GDNF: variants seen among roughly 807,000 people sequenced by gnomAD.
The protein encoded by GDNF is glial cell line-derived neurotrophic factor.
In GDNF, 5 loss-of-function variants were observed where a neutral mutation model predicts 13.7. The ratio of observed to expected loss-of-function variants is 0.36; its 90% CI spans 0.19 to 0.77. The LOEUF is 0.77. Ranked by LOEUF, GDNF falls within the 30% of genes least tolerant of loss-of-function variation. The pLI, the probability that GDNF is intolerant of heterozygous loss-of-function variation, is 0.51. For synonymous variants in GDNF, 122 were observed against 112.5 expected (o/e 1.08, Z -0.53); for missense variants, 246 against 274.3 (o/e 0.90, Z 0.73).
At chr5:37,836,977 G>A (rs1363798360) in intron 1 of GDNF, among the ~76,000 whole-genome samples, 1 of 152,248 alleles carries the variant, frequency 6.6e-6, no homozygotes, top group African/African-American at 2.4e-5. Flanking sequence ...CCTCGGCCGA[G>A]CGCCGCCAGC....
Position 37,816,022 on chromosome 5 carries a change from T to C in GDNF, c.265A>G (p.Arg89Gly). The change falls in exon 3 of 3, where the codon AGA (arginine) becomes GGA (glycine). Residue 89 changes from arginine to glycine, a missense_variant. Arg to Gly is a moderately radical substitution (Grantham distance 125). Transcript: ENST00000326524. ...GCTGCAGCCTGCCGATTCCGCTCTC[T>C]TCTAGGAAGCACTGCCATTTGTTTA... The part of the protein sequence containing the change: ...PDKQMAVLPR[R>G]ERNRQAAAAN... 1 of 1,613,758 alleles carries C rather than the reference T, an allele frequency of 6.2e-7. No individual in the cohort carries two copies. Among genetic ancestry groups the C allele is most frequent in the Non-Finnish European group, 8.5e-7 (1 of 1,179,680 alleles).
intron 2 of GDNF, among the ~76,000 whole-genome samples, chr5:37,825,486 T>C (rs1046945083): frequency 6.6e-6 from 1 of 152,124 alleles, no homozygotes; most frequent in African/African-American, 2.4e-5. Flanking sequence ...CCAGAGTCGG[T>C]AATAAACACC....
At position 37,839,370 on chromosome 5, in the gene GDNF, CT is replaced by C. The variant is rs1750817949; in HGVS notation, c.-27+136del. 6.6e-6 allele frequency: 1 copy of C among 152,328 alleles called. No individual in the cohort carries two copies. Among genetic ancestry groups the C allele is most frequent in the Non-Finnish European group, 1.5e-5 (1 of 68,130 alleles). 9.4% of individuals were successfully genotyped at this position (152,328 alleles called of 1,614,324 possible). A position where few individuals can be genotyped will look rare whatever the true frequency, so the allele number is the denominator to read the frequency against. On this transcript the variant is annotated intron_variant, in intron 1 of 2. Transcript: ENST00000326524. This position sits in a 1 kb window ranked among gnomAD's most constrained non-coding sequence, Gnocchi z 5.5. ...TCGCATAGCTTAGGTTCCCTCTAGTCTTTCCACTTTCTACTCTCACCGTTTG... is the reference window on the plus strand; with the variant it reads ...TCGCATAGCTTAGGTTCCCTCTAGTCTTCCACTTTCTACTCTCACCGTTTG...
At chr5:37,829,224 A>C (rs1245872519) in intron 2 of GDNF, among the ~76,000 whole-genome samples, 1 of 151,980 alleles carries the variant, frequency 6.6e-6, no homozygotes, top group Non-Finnish European at 1.5e-5. Context: ...CATGGTCACA[A>C]ATTTTCCCAT....
In GDNF at chr5:37,815,987, T is replaced by C. The variant is rs757916617; in HGVS notation, c.300A>G (p.Pro100=). 8.5e-5 allele frequency: 137 copies of C among 1,613,920 alleles called. No homozygotes were observed. Among genetic ancestry groups the C allele is most frequent in the Admixed American group, 1.5e-4 (9 of 60,008 alleles). The change falls in exon 3 of 3, where the codon CCA becomes CCG. Residue 100 remains proline (P), a synonymous_variant. Coordinates refer to ENST00000326524, the MANE Select transcript of GDNF (RefSeq NM_000514.4). This position sits in a 1 kb window ranked among gnomAD's most constrained non-coding sequence, Gnocchi z 5.0. ...ERNRQAAAAN[P]ENSRGKGRRG... is the part of the protein sequence containing the mutation. ...TCCGACCTTTTCCTCTGGAATTCTCTGGGTTGGCAGCTGCAGCCTGCCGAT... is the reference window on the plus strand; with the variant it reads ...TCCGACCTTTTCCTCTGGAATTCTCCGGGTTGGCAGCTGCAGCCTGCCGAT...
At position 37,812,896 on chromosome 5, in the gene GDNF, T is replaced by C. The variant is rs890873851; in HGVS notation, c.*2755A>G. 6.6e-6 allele frequency: 1 copy of C among 152,216 alleles called. No homozygotes were observed. The highest frequency in any genetic ancestry group is 1.5e-5 in the Non-Finnish European group (1 of 68,052). The allele number at this position is 152,216 out of a possible 1,614,324, so 9.4% of individuals were successfully genotyped here. On this transcript the variant is annotated 3_prime_UTR_variant, in exon 3 of 3. Transcript: ENST00000326524. ...TTGTGGATTTGGTGGAGCAACTTGC[T>C]TCCATTAAAACCTGCTTGTGGTGTG... is the stretch of plus-strand genomic sequence containing the variant.
Position 37,834,806 on chromosome 5 carries a change from C to T in GDNF, c.-10G>A, listed in dbSNP as rs756537341. On this transcript the variant is annotated 5_prime_UTR_variant, in exon 2 of 3. Coordinates refer to ENST00000326524, the MANE Select transcript of GDNF (RefSeq NM_000514.4). ...CATCCCATAACTTCATCTTAAAGTCCCGTCCGGCGGCGGCACCTGCGCGGG... is the reference window on the plus strand; with the variant it reads ...CATCCCATAACTTCATCTTAAAGTCTCGTCCGGCGGCGGCACCTGCGCGGG... The T allele has an allele frequency of 3.7e-6, 6 of 1,612,484 alleles. No homozygotes were observed. In the African/African-American group the frequency reaches 8.0e-5, roughly 22 times the overall value.
At chr5:37,819,323 C>T (rs1241350522) in intron 2 of GDNF, among the ~76,000 whole-genome samples, 1 of 152,178 alleles carries the variant, frequency 6.6e-6, no homozygotes, top group East Asian at 1.9e-4. Context: ...CACCTTTCCT[C>T]CTCAGCTTTC....
intron 2 of GDNF, chr5:37,823,506 C>T (rs1279350109): frequency 1.3e-5 from 2 of 152,242 alleles, no homozygotes; most frequent in Non-Finnish European, 2.9e-5. Flanking sequence ...CCATGCTACT[C>T]AGGGGCATTT....
Position 37,834,809 on chromosome 5 carries a change from T to G in GDNF, c.-13A>C, listed in dbSNP as rs1561136579. ...CCCATAACTTCATCTTAAAGTCCCG[T>G]CCGGCGGCGGCACCTGCGCGGGCAG... On this transcript the variant is annotated 5_prime_UTR_variant, in exon 2 of 3. Coordinates refer to ENST00000326524, the MANE Select transcript of GDNF (RefSeq NM_000514.4). 1.1e-5 allele frequency: 17 copies of G among 1,612,196 alleles called. No homozygotes were observed. Among genetic ancestry groups the G allele is most frequent in the Non-Finnish European group, 1.4e-5 (16 of 1,179,274 alleles).
chr5:37,818,926 G>C (rs1164797948), intron 2 of GDNF, among the ~76,000 whole-genome samples: 1 of 151,684 alleles, frequency 6.6e-6, no homozygotes, highest in Non-Finnish European at 1.5e-5. Flanking sequence ...CCCCTGCCCT[G>C]CGCCTCCCCC....
chr5:37,819,540 A>G (rs1056173175), intron 2 of GDNF, among the ~76,000 whole-genome samples: 10 of 150,424 alleles, frequency 6.6e-5, no homozygotes, highest in Non-Finnish European at 1.0e-4. Flanking sequence ...GCAACCTCCA[A>G]TTCCCGGGTT....
intron 2 of GDNF, among the ~76,000 whole-genome samples, chr5:37,822,766 G>A (rs780513435): frequency 2.6e-5 from 4 of 151,760 alleles, no homozygotes; most frequent in Admixed American, 6.6e-5. Flanking sequence ...ATACATATGC[G>A]TCTACACACA....
Position 37,815,517 on chromosome 5 carries a change from CT to C in GDNF, c.*133del. The C allele has an allele frequency of 1.3e-6, 1 of 798,096 alleles. No individual in the cohort carries two copies. The highest frequency in any genetic ancestry group is 2.1e-6 in the Non-Finnish European group (1 of 468,764). The allele number at this position is 798,096 out of a possible 1,614,324, so 49.4% of individuals were successfully genotyped here. ...CCTCCTCCTCCTCCTCCTCCTCCTC[CT>C]CCTCTTCTTCTTCCTCCTCCTCCGC... On this transcript the variant is annotated 3_prime_UTR_variant, in exon 3 of 3. Transcript: ENST00000326524. This position sits in a 1 kb window ranked among gnomAD's most constrained non-coding sequence, Gnocchi z 5.0.
At position 37,838,630 on chromosome 5, in the gene GDNF, G is replaced by A. The variant is rs1414179047; in HGVS notation, c.-27+877C>T. Among the ~76,000 whole-genome samples, 1 of 152,222 alleles carries A rather than the reference G, an allele frequency of 6.6e-6. No individual in the cohort carries two copies. The highest frequency in any genetic ancestry group is 6.5e-5 in the Admixed American group (1 of 15,288). ...AAACTAGCTGGGCCCCAGGAAGCTG[G>A]CGGGAACCCGCGAAAGTCCGTTTCC... On this transcript the variant is annotated intron_variant, in intron 1 of 2. Transcript: ENST00000326524. This position sits in a 1 kb window ranked among gnomAD's most constrained non-coding sequence, Gnocchi z 4.1.
Position 37,834,807 on chromosome 5 carries a change from C to T in GDNF, c.-11G>A, listed in dbSNP as rs544801011. 9.3e-6 allele frequency: 15 copies of T among 1,612,620 alleles called. No homozygotes were observed. In the Admixed American group the frequency reaches 1.3e-4, roughly 14 times the overall value. The stretch of plus-strand genomic sequence containing the variant: ...ATCCCATAACTTCATCTTAAAGTCC[C>T]GTCCGGCGGCGGCACCTGCGCGGGC... On this transcript the variant is annotated 5_prime_UTR_variant, in exon 2 of 3. Transcript: ENST00000326524.
intron 2 of GDNF, among the ~76,000 whole-genome samples, chr5:37,826,824 C>G (rs756779084): frequency 2.0e-5 from 3 of 152,180 alleles, no homozygotes; most frequent in Non-Finnish European, 2.9e-5. Flanking sequence ...TCCAATCCCT[C>G]TTTATCCTTA....
In GDNF at chr5:37,839,914, G is replaced by C. The variant is rs1049803568; in HGVS notation, c.-434C>G. The C allele has an allele frequency of 2.0e-5, 3 of 152,356 alleles. No homozygotes were observed. Among genetic ancestry groups the C allele is most frequent in the Non-Finnish European group, 4.4e-5 (3 of 68,160 alleles). The allele number at this position is 152,356 out of a possible 1,614,324, so 9.4% of individuals were successfully genotyped here. ...GCGCCTCCTCTGGGCGCACTGCCTG[G>C]GAGCACGAGACTGGTTTGTCTGATG... On this transcript the variant is annotated 5_prime_UTR_variant, in exon 1 of 3. Coordinates refer to ENST00000326524, the MANE Select transcript of GDNF (RefSeq NM_000514.4). This position sits in a 1 kb window ranked among gnomAD's most constrained non-coding sequence, Gnocchi z 5.5.
rs1323361449 is a variant in GDNF, at chr5:37,815,900, G to A, written c.387C>T (p.Asp129=). ...VLTAIHLNVT[D]LGLGYETKEE... is the part of the protein sequence containing the mutation. ...CCTTGGTTTCATAGCCCAGACCCAA[G>A]TCAGTGACATTTAAATGTATTGCAG... The change falls in exon 3 of 3, where the codon GAC becomes GAT. Residue 129 remains aspartate (D), a synonymous_variant. Transcript: ENST00000326524. This position sits in a 1 kb window ranked among gnomAD's most constrained non-coding sequence, Gnocchi z 5.0. 1 of 1,614,150 alleles carries A rather than the reference G, an allele frequency of 6.2e-7. No homozygotes were observed. Among genetic ancestry groups the A allele is most frequent in the South Asian group, 1.1e-5 (1 of 91,078 alleles).
Sources: gnomAD v4.1 joint callset for allele counts (sites outside exome capture counted in the v4.1 genomes callset) on GRCh38, gnomAD v4.1.1 for gene constraint, Gnocchi (gnomAD v3.1) non-coding constraint, MANE v1.5 for transcripts, NCBI Gene and HGNC (gene_info 2026-07-23, HGNC 2026-07-21) for gene names.